Variants in CD72 observed in about 807,000 individuals in gnomAD.
CD72 encodes the protein B-cell differentiation antigen CD72.
A neutral mutation model predicts 50.7 loss-of-function variants in CD72; 28 were observed. That is an observed-to-expected ratio of 0.55 (90% CI 0.41 to 0.76). The LOEUF is 0.76. Among genes scored for constraint, CD72 ranks in the 30% least tolerant of loss-of-function variants. The probability of loss-of-function intolerance (pLI) is 0.00; values close to 1 mark genes in which losing one functional copy is unlikely to be tolerated. For missense variants in CD72, 403 were observed against 420.6 expected (o/e 0.96, Z 0.37); for synonymous variants, 176 against 171.2 (o/e 1.03, Z -0.22).
chr9:35,641,620 C>T (rs1332496308), intron 1 of CD72, among the ~76,000 whole-genome samples: 1 of 152,044 alleles, frequency 6.6e-6, no homozygotes, highest in Non-Finnish European at 1.5e-5. Flanking sequence ...TCTTGAGGTT[C>T]CTCATTCTAT....
chr9:35,614,363 G>A (rs915045061), intron 5 of CD72, among the ~76,000 whole-genome samples: 2 of 152,208 alleles, frequency 1.3e-5, no homozygotes, highest in African/African-American at 2.4e-5. Flanking sequence ...GGAGAGGAGT[G>A]AGTAGGAAAA....
chr9:35,644,901 CAAAA>C (rs527855881), intron 1 of CD72, among the ~76,000 whole-genome samples: 23 of 106,950 alleles, frequency 2.2e-4, no homozygotes, highest in South Asian at 3.1e-4. Flanking sequence ...TGACTGAAGC[CAAAA>C]AAAAAAAAAA....
rs1310700806 is a variant in CD72, at chr9:35,612,741, A to G, written c.834+107T>C. The G allele has an allele frequency of 4.9e-6, 5 of 1,023,596 alleles. No homozygotes were observed. In the Admixed American group the frequency reaches 8.9e-5, roughly 18 times the overall value. 63.4% of individuals were successfully genotyped at this position (1,023,596 alleles called of 1,614,324 possible). A position where few individuals can be genotyped will look rare whatever the true frequency, so the allele number is the denominator to read the frequency against. On this transcript the variant is annotated intron_variant, in intron 6 of 8. Transcript: ENST00000259633. ...ATGATTCTCAGTTTCTTCCATGGAA[A>G]AGGAATGGCCACCCCAGCCATGTGT...
intron 1 of CD72, among the ~76,000 whole-genome samples, chr9:35,627,599 C>A (rs942024002): frequency 1.3e-5 from 2 of 152,122 alleles, no homozygotes; most frequent in Admixed American, 6.5e-5. Context: ...GCAACTTTAA[C>A]CACCACAGCC....
upstream of CD72, among the ~76,000 whole-genome samples, chr9:35,622,199 G>A (rs750121960): frequency 1.3e-5 from 2 of 152,168 alleles, no homozygotes; most frequent in Non-Finnish European, 2.9e-5. Context: ...CTTTACAAAC[G>A]CCTCTTTAAA....
intron 1 of CD72, among the ~76,000 whole-genome samples, chr9:35,638,952 C>A (rs909090552): frequency 6.6e-6 from 1 of 152,184 alleles, no homozygotes; most frequent in Non-Finnish European, 1.5e-5. Flanking sequence ...AGCCCAGTTC[C>A]TGGCCCGCTT....
rs937292937 is a variant in CD72 at position 35,610,140 on chromosome 9, C to G, written c.*183G>C. 9.4e-6 allele frequency: 2 copies of G among 212,724 alleles called. No individual in the cohort carries two copies. The highest frequency in any genetic ancestry group is 1.2e-4 in the East Asian group (1 of 8,160). The allele number at this position is 212,724 out of a possible 1,614,324, so 13.2% of individuals were successfully genotyped here. A position where few individuals can be genotyped will look rare whatever the true frequency, so the allele number is the denominator to read the frequency against. On this transcript the variant is annotated 3_prime_UTR_variant, in exon 9 of 9. Coordinates refer to ENST00000259633, the MANE Select transcript of CD72 (RefSeq NM_001782.3). The stretch of plus-strand genomic sequence containing the variant: ...GGTGGCTTCACCCTTTTCCCAGGAA[C>G]AGTCCAGTTTCAGGAAGAGGGAGCA...
intron 4 of CD72, 41 bp downstream of exon 4, chr9:35,616,559 G>A (rs370820275): frequency 1.3e-6 from 2 of 1,489,186 alleles, no homozygotes; most frequent in Admixed American, 1.7e-5. Context: ...CGGGACGAAA[G>A]TCGTTCGGTG....
At chr9:35,644,486 T>G (rs1196392000) in intron 1 of CD72, among the ~76,000 whole-genome samples, 2 of 151,900 alleles carry the variant, frequency 1.3e-5, no homozygotes, top group Non-Finnish European at 1.5e-5. Context: ...TTCCAAATTT[T>G]AAAAGTTCTA....
intron 2 of CD72, 24 bp from the exon 3 acceptor site, chr9:35,617,271 G>C: frequency 6.5e-7 from 1 of 1,529,886 alleles, no homozygotes; most frequent in Non-Finnish European, 8.8e-7. Flanking sequence ...CATCCAGTGT[G>C]AGACCGGAAG....
upstream of CD72, among the ~76,000 whole-genome samples, chr9:35,621,040 C>T (rs534269197): frequency 9.8e-5 from 15 of 152,324 alleles, no homozygotes; most frequent in South Asian, 2.1e-3. Flanking sequence ...CCCTTCCCCA[C>T]GTGTGTCACT....
upstream of CD72, among the ~76,000 whole-genome samples, chr9:35,622,370 A>T (rs1210096420): frequency 6.6e-6 from 1 of 152,202 alleles, no homozygotes; most frequent in Non-Finnish European, 1.5e-5. Context: ...AAATGGTGAC[A>T]CAGAAAGCAC....
chr9:35,626,893 C>A (rs1481087368), intron 1 of CD72, among the ~76,000 whole-genome samples: 2 of 152,012 alleles, frequency 1.3e-5, no homozygotes, highest in Admixed American at 1.3e-4. Context: ...GCACTGTCTC[C>A]CAGGCTGGAG....
upstream of CD72, chr9:35,646,833 G>T (rs1224102257): frequency 2.0e-5 from 3 of 152,272 alleles, no homozygotes; most frequent in African/African-American, 7.2e-5. Flanking sequence ...ACCAGACCCT[G>T]GGGTGGCCCC....
At chr9:35,620,540 G>C (rs1216387652), upstream of CD72, among the ~76,000 whole-genome samples, 1 of 152,084 alleles carries the variant, frequency 6.6e-6, no homozygotes, top group Non-Finnish European at 1.5e-5. Flanking sequence ...GCTTAAGAAG[G>C]GGATCTCCTG....
At chr9:35,618,793 G>A (rs1823109187), upstream of CD72, 3 of 1,285,876 alleles carry the variant, frequency 2.3e-6, no homozygotes, top group South Asian at 1.2e-5. Flanking sequence ...CCATGAGACT[G>A]GGGGTTCCTG....
chr9:35,636,711 G>A (rs1211105465), intron 1 of CD72, among the ~76,000 whole-genome samples: 1 of 152,190 alleles, frequency 6.6e-6, no homozygotes, highest in Non-Finnish European at 1.5e-5. Flanking sequence ...AGTACTTTGG[G>A]AGGCCTAGGC....
chr9:35,645,829 G>C (rs1209010523), intron 1 of CD72, among the ~76,000 whole-genome samples: 1 of 151,870 alleles, frequency 6.6e-6, no homozygotes, highest in Admixed American at 6.6e-5. Flanking sequence ...GCCCTGGCCG[G>C]ATGGCTTCCA....
intron 8 of CD72, 37 bp downstream of exon 8, chr9:35,610,564 TG>T: frequency 6.6e-7 from 1 of 1,524,024 alleles, no homozygotes; most frequent in South Asian, 1.2e-5. Flanking sequence ...CCTCTGCCCC[TG>T]GACTCCCCAT....
Sources: allele counts gnomAD v4.1 joint callset (sites outside exome capture counted in the v4.1 genomes callset), GRCh38; gene constraint gnomAD v4.1.1; transcripts MANE v1.5; gene names NCBI Gene and HGNC (gene_info 2026-07-23, HGNC 2026-07-21).